Variants in CYB5R4 observed in about 807,000 individuals in gnomAD.
The protein encoded by CYB5R4 is cytochrome b5 reductase 4.
A neutral mutation model predicts 70.2 loss-of-function variants in CYB5R4; 55 were observed. The ratio of observed to expected loss-of-function variants is 0.78; its 90% CI spans 0.63 to 0.98. The LOEUF is 0.98. Ranked by LOEUF, CYB5R4 falls within the 50% of genes least tolerant of loss-of-function variation. CYB5R4 has a pLI of 0.00. For synonymous variants in CYB5R4, 197 were observed against 199.5 expected (o/e 0.99, Z 0.11); for missense variants, 562 against 612.6 (o/e 0.92, Z 0.87).
chr6:83,859,852 A>C lies in CYB5R4; in HGVS notation c.70A>C (p.Ser24Arg), dbSNP rs1477588941. 2 of 1,611,872 alleles carry C rather than the reference A, an allele frequency of 1.2e-6. No homozygotes were observed. The highest frequency in any genetic ancestry group is 1.7e-6 in the Non-Finnish European group (2 of 1,179,318). The change falls in exon 1 of 16, where the codon AGC (serine) becomes CGC (arginine). Residue 24 changes from serine to arginine, a missense_variant. By Grantham distance (110) the Ser-to-Arg change is moderately radical. Coordinates refer to ENST00000369681, the MANE Select transcript of CYB5R4 (RefSeq NM_016230.4). ...GCAGCGTGTCGCCTCCGGGGGGCGT[A>C]GCAAGGTAAGCGGGTGGCTCCGTGA... ...SQQRVASGGR[S>R]KVPLKQGRSL...
chr6:83,894,711 A>G (rs2099461598), intron 3 of CYB5R4, among the ~76,000 whole-genome samples: 1 of 152,204 alleles, frequency 6.6e-6, no homozygotes. Context: ...ATTATATACT[A>G]TATTCTTACA....
At position 83,965,104 on chromosome 6, in the gene CYB5R4, A is replaced by T. The variant is rs1030540184; in HGVS notation, c.*5226A>T. On this transcript the variant is annotated 3_prime_UTR_variant, in exon 16 of 16. Transcript: ENST00000369681. ...TCGGCTAGGGCAGTGCAGAAGGGAA[A>T]TGTGGGGTTGGAGCCCCCTCACAGA... is the stretch of plus-strand genomic sequence containing the variant. The T allele has an allele frequency of 1.3e-5, 2 of 152,268 alleles. No individual in the cohort carries two copies. Among genetic ancestry groups the T allele is most frequent in the Non-Finnish European group, 2.9e-5 (2 of 68,086 alleles). 9.4% of individuals were successfully genotyped at this position (152,268 alleles called of 1,614,324 possible).
At chr6:83,864,420 A>G (rs1048301618) in intron 2 of CYB5R4, 92 bp downstream of exon 2, 6 of 1,206,312 alleles carry the variant, frequency 5.0e-6, no homozygotes, top group Non-Finnish European at 6.9e-6. Context: ...ATTTTAAACA[A>G]TTGACAATTT....
intron 3 of CYB5R4, among the ~76,000 whole-genome samples, chr6:83,907,579 T>A (rs1310807585): frequency 6.6e-6 from 1 of 152,148 alleles, no homozygotes; most frequent in Admixed American, 6.6e-5. Flanking sequence ...TATTTCATCA[T>A]CCAGGTACTA....
chr6:83,941,080 TG>T (rs2099469690), intron 14 of CYB5R4, among the ~76,000 whole-genome samples: 3 of 152,178 alleles, frequency 2.0e-5, no homozygotes, highest in Non-Finnish European at 4.4e-5. Context: ...CTTTTATGTT[TG>T]TTTGTTTGCA....
chr6:83,942,705 A>C (rs145652348), intron 14 of CYB5R4, among the ~76,000 whole-genome samples: 305 of 152,262 alleles, frequency 2.0e-3, no homozygotes, highest in African/African-American at 7.0e-3. Flanking sequence ...GCAAGCTAAA[A>C]TCCACTGGCT....
chr6:83,923,728 C>T (rs1007875627), intron 9 of CYB5R4, among the ~76,000 whole-genome samples: 4 of 152,028 alleles, frequency 2.6e-5, no homozygotes, highest in African/African-American at 9.7e-5. Context: ...AACTCATTCT[C>T]ATGAGGCTCT....
At chr6:83,953,532 A>G (rs2099471857) in intron 14 of CYB5R4, among the ~76,000 whole-genome samples, 1 of 152,138 alleles carries the variant, frequency 6.6e-6, no homozygotes, top group South Asian at 2.1e-4. Flanking sequence ...ACTCTGAAAT[A>G]CCAATCTGTG....
intron 14 of CYB5R4, among the ~76,000 whole-genome samples, chr6:83,954,545 C>T (rs1420150772): frequency 6.6e-6 from 1 of 152,110 alleles, no homozygotes; most frequent in Non-Finnish European, 1.5e-5. Context: ...CCTTTCCCTA[C>T]ACCTCCCTCC....
chr6:83,927,851 A>G (rs2099467568), intron 10 of CYB5R4, among the ~76,000 whole-genome samples: 3 of 152,218 alleles, frequency 2.0e-5, no homozygotes, highest in East Asian at 3.9e-4. Context: ...GCTGGTTCCA[A>G]TCCTTTAATC....
chr6:83,921,270 C>G, intron 8 of CYB5R4, 95 bp downstream of exon 8: 1 of 1,078,734 alleles, frequency 9.3e-7, no homozygotes, highest in South Asian at 1.8e-5. Flanking sequence ...AATATTTTAT[C>G]TGCTGTTACC....
At chr6:83,946,409 T>G (rs552633476) in intron 14 of CYB5R4, among the ~76,000 whole-genome samples, 1 of 152,298 alleles carries the variant, frequency 6.6e-6, no homozygotes, top group South Asian at 2.1e-4. Flanking sequence ...TAGGTATTGA[T>G]GGAACATATC....
rs1157644203 is a variant in CYB5R4, at chr6:83,936,153, G to T, written c.956-71G>T. The T allele has an allele frequency of 3.6e-6, 4 of 1,124,146 alleles. No homozygotes were observed. The African/African-American group carries it at 4.7e-5, about 13-fold the overall frequency. 69.6% of individuals were successfully genotyped at this position (1,124,146 alleles called of 1,614,324 possible). On this transcript the variant is annotated intron_variant, in intron 11 of 15. Coordinates refer to ENST00000369681, the MANE Select transcript of CYB5R4 (RefSeq NM_016230.4). The stretch of plus-strand genomic sequence containing the variant: ...ATATATACTGATAGTGTCAAAATTT[G>T]GATGTTTCATTTTCATTGAGATTTT...
At chr6:83,941,758 ATTAT>A (rs1214430353) in intron 14 of CYB5R4, among the ~76,000 whole-genome samples, 2 of 152,212 alleles carry the variant, frequency 1.3e-5, no homozygotes, top group African/African-American at 4.8e-5. Flanking sequence ...AAGAACATTT[ATTAT>A]AAGTAGTTGT....
intron 3 of CYB5R4, among the ~76,000 whole-genome samples, chr6:83,906,895 A>C (rs1276628930): frequency 6.6e-6 from 1 of 152,208 alleles, no homozygotes; most frequent in Admixed American, 6.5e-5. Flanking sequence ...ATAGTATTGT[A>C]TTGAATGGCA....
chr6:83,935,832 A>T (rs1167628130), intron 11 of CYB5R4, among the ~76,000 whole-genome samples: 1 of 152,080 alleles, frequency 6.6e-6, no homozygotes, highest in Non-Finnish European at 1.5e-5. Flanking sequence ...AATTTGGTGT[A>T]TAATTAAAAT....
chr6:83,879,485 G>C (rs2099459116), intron 2 of CYB5R4, among the ~76,000 whole-genome samples: 1 of 152,146 alleles, frequency 6.6e-6, no homozygotes, highest in Admixed American at 6.5e-5. Context: ...GGGACCGGTG[G>C]TGGGAGGCTT....
At chr6:83,920,525 A>G (rs140788065) in intron 7 of CYB5R4, among the ~76,000 whole-genome samples, 2 of 152,278 alleles carry the variant, frequency 1.3e-5, no homozygotes, top group African/African-American at 4.8e-5. Context: ...AAAGGTTTCC[A>G]TGTGGAATAA....
intron 9 of CYB5R4, among the ~76,000 whole-genome samples, chr6:83,923,032 CT>C (rs1176615672): frequency 6.7e-6 from 1 of 150,152 alleles, no homozygotes; most frequent in African/African-American, 2.4e-5. Flanking sequence ...TTTAACCTTT[CT>C]TTTTTTTCTC....
Sources: allele counts gnomAD v4.1 joint callset (sites outside exome capture counted in the v4.1 genomes callset), GRCh38; gene constraint gnomAD v4.1.1; transcripts MANE v1.5; gene names NCBI Gene and HGNC (gene_info 2026-07-23, HGNC 2026-07-21).